Variants in DGKH observed in about 807,000 individuals in gnomAD.
DGKH encodes the protein diacylglycerol kinase eta.
In DGKH, 90 loss-of-function variants were observed where a neutral mutation model predicts 159.3. The ratio of observed to expected loss-of-function variants is 0.57; its 90% CI spans 0.48 to 0.67. The LOEUF (loss-of-function observed/expected upper bound fraction) is 0.67. DGKH is among the 30% of genes least tolerant of loss of function. The pLI is 0.00. For synonymous variants in DGKH, 536 were observed against 553.8 expected, an observed-to-expected ratio of 0.97 and a Z score of 0.45; for missense variants, 1,181 against 1,506.1, an observed-to-expected ratio of 0.78 and a Z score of 3.57.
chr13:42,193,816 T>G (rs1284959297), intron 16 of DGKH, among the ~76,000 whole-genome samples: 2 of 152,178 alleles, frequency 1.3e-5, no homozygotes, highest in African/African-American at 4.8e-5. Context: ...TAATTAGTTT[T>G]AGGGAGAGTG....
chr13:42,193,533 G>A (rs1003743438), intron 16 of DGKH, among the ~76,000 whole-genome samples: 1 of 151,738 alleles, frequency 6.6e-6, no homozygotes, highest in Non-Finnish European at 1.5e-5. Context: ...TGTCTGAGAT[G>A]TGAGAAATAC....
intron 22 of DGKH, 40 bp from the exon 23 acceptor site, chr13:42,209,291 C>G: frequency 6.3e-7 from 1 of 1,585,120 alleles, no homozygotes. Flanking sequence ...GTCATTTTCT[C>G]TGGATGATTT....
At chr13:42,199,007 G>A (rs1053468941) in intron 18 of DGKH, among the ~76,000 whole-genome samples, 2 of 151,988 alleles carry the variant, frequency 1.3e-5, no homozygotes, top group Non-Finnish European at 2.9e-5. Flanking sequence ...CAATTTTTTG[G>A]CATTTCAAGA....
intron 20 of DGKH, among the ~76,000 whole-genome samples, chr13:42,202,519 C>T (rs879588224): frequency 2.0e-5 from 3 of 152,168 alleles, no homozygotes; most frequent in Non-Finnish European, 2.9e-5. Context: ...AAGACTTTGA[C>T]CTTGGTTTCC....
chr13:42,168,941 C>G, intron 11 of DGKH, 123 bp downstream of exon 11: 1 of 1,097,376 alleles, frequency 9.1e-7, no homozygotes, highest in South Asian at 2.1e-5. Context: ...GAAGGCAGAG[C>G]CTTCCTGATC....
At chr13:42,104,041 T>TA (rs1954701861) in intron 1 of DGKH, among the ~76,000 whole-genome samples, 1 of 152,246 alleles carries the variant, frequency 6.6e-6, no homozygotes, top group Admixed American at 6.5e-5. Context: ...CTCTCACCAG[T>TA]AACAGTTCAG....
chr13:42,187,789 G>A (rs770989458), intron 14 of DGKH, among the ~76,000 whole-genome samples: 10 of 152,188 alleles, frequency 6.6e-5, no homozygotes, highest in Non-Finnish European at 1.3e-4. Context: ...GGCCAGTTCA[G>A]CTGTCTTCCA....
intron 30 of DGKH, chr13:42,256,254 A>G (rs1958656635): frequency 1.9e-6 from 3 of 1,581,078 alleles, no homozygotes; most frequent in Non-Finnish European, 1.7e-6. Flanking sequence ...AATGTGTTAC[A>G]CTCAGCCAGG....
chr13:42,208,195 T>C (rs569258578), intron 21 of DGKH, among the ~76,000 whole-genome samples: 1 of 152,298 alleles, frequency 6.6e-6, no homozygotes, highest in Non-Finnish European at 1.5e-5. Flanking sequence ...AGCAACTTTG[T>C]GTCCTGATAT....
intron 29 of DGKH, among the ~76,000 whole-genome samples, chr13:42,228,732 G>C (rs1958212013): frequency 6.6e-6 from 1 of 151,702 alleles, no homozygotes; most frequent in African/African-American, 2.4e-5. Flanking sequence ...AAGAAAGAAA[G>C]AGAAAGAAAG....
rs1958383523 is a variant in DGKH, at chr13:42,234,862, T to C, written c.*5674T>C. On this transcript the variant is annotated 3_prime_UTR_variant, in exon 30 of 30. Transcript: ENST00000337343. Reference sequence around the variant, plus strand: ...CAACCTCTGTGTCAAGTCAGTAATATGATGCCATTGTAATAGGAGGCCTTC... The same window carrying C: ...CAACCTCTGTGTCAAGTCAGTAATACGATGCCATTGTAATAGGAGGCCTTC... 6.6e-6 allele frequency: 1 copy of C among 152,218 alleles called. No homozygotes were observed. Among genetic ancestry groups the C allele is most frequent in the Non-Finnish European group, 1.5e-5 (1 of 68,038 alleles). The allele number at this position is 152,218 out of a possible 1,614,324, so 9.4% of individuals were successfully genotyped here. A position where few individuals can be genotyped will look rare whatever the true frequency, so the allele number is the denominator to read the frequency against.
chr13:42,243,136 T>C (rs1380022882), downstream of DGKH, among the ~76,000 whole-genome samples: 7 of 152,188 alleles, frequency 4.6e-5, no homozygotes, highest in Admixed American at 1.3e-4. Flanking sequence ...GGACCCGTAA[T>C]ACAGATCCCT....
At chr13:42,172,333 A>T (rs1017548833) in intron 11 of DGKH, among the ~76,000 whole-genome samples, 2 of 149,618 alleles carry the variant, frequency 1.3e-5, no homozygotes, top group African/African-American at 5.0e-5. Flanking sequence ...GATGGTCTTG[A>T]TCTTTTGACC....
intron 29 of DGKH, among the ~76,000 whole-genome samples, chr13:42,248,736 A>G (rs1486857351): frequency 6.6e-6 from 1 of 151,454 alleles, no homozygotes; most frequent in African/African-American, 2.4e-5. Context: ...ATGTTTAGAT[A>G]CACAAATACC....
intron 3 of DGKH, 21 bp downstream of exon 3, chr13:42,129,653 C>A (rs1216783084): frequency 6.2e-7 from 1 of 1,601,240 alleles, no homozygotes; most frequent in South Asian, 1.1e-5. Context: ...ATTCTGCTAA[C>A]TCCCTTCTCA....
rs141710239 is a variant in DGKH, at chr13:42,096,129, T to A, written c.193-31334T>A. On this transcript the variant is annotated intron_variant, in intron 1 of 29. Coordinates refer to ENST00000337343, the MANE Select transcript of DGKH (RefSeq NM_178009.5). Reference sequence around the variant, plus strand: ...AAACTTTTATGTTCAGGGGGGTCCATGTGCAGGTTTGTTACCCGGGTATAT... The same window carrying A: ...AAACTTTTATGTTCAGGGGGGTCCAAGTGCAGGTTTGTTACCCGGGTATAT... Among the ~76,000 whole-genome samples, 535 of 152,264 alleles carry A rather than the reference T, an allele frequency of 3.5e-3. 13 individuals carry two copies. Among genetic ancestry groups the A allele is most frequent in the Admixed American group, 0.031 (469 of 15,290 alleles).
intron 17 of DGKH, among the ~76,000 whole-genome samples, chr13:42,195,541 C>A (rs1276199270): frequency 6.6e-6 from 1 of 152,164 alleles, no homozygotes; most frequent in Non-Finnish European, 1.5e-5. Flanking sequence ...GGGCCCTGCC[C>A]TGGGAAATTA....
At chr13:42,120,423 G>A (rs759451873) in intron 1 of DGKH, among the ~76,000 whole-genome samples, 6 of 151,854 alleles carry the variant, frequency 4.0e-5, no homozygotes, top group Admixed American at 1.3e-4. Flanking sequence ...TCAAACTTTC[G>A]AATTAGGAAA....
intron 1 of DGKH, among the ~76,000 whole-genome samples, chr13:42,108,384 A>G (rs916440792): frequency 6.6e-6 from 1 of 152,202 alleles, no homozygotes; most frequent in Non-Finnish European, 1.5e-5. Flanking sequence ...GTGCTTAGGA[A>G]AATACACTGC....
Sources: allele counts gnomAD v4.1 joint callset (sites outside exome capture counted in the v4.1 genomes callset), GRCh38; gene constraint gnomAD v4.1.1; transcripts MANE v1.5; gene names NCBI Gene and HGNC (gene_info 2026-07-23, HGNC 2026-07-21).